The following PHC3 variants were observed in gnomAD, a reference collection of about 807,000 sequenced individuals.
PHC3 encodes the protein polyhomeotic homolog 3, also known as polyhomeotic-like protein 3.
PHC3 carries 13 observed loss-of-function variants against 107.4 expected under a neutral mutation model. That is an observed-to-expected ratio of 0.12 (90% confidence interval 0.08 to 0.19). The LOEUF (loss-of-function observed/expected upper bound fraction) is 0.19. Among genes scored for constraint, PHC3 ranks in the 10% least tolerant of loss-of-function variants. PHC3 has a pLI of 1.00. For synonymous variants in PHC3, 456 were observed against 427.4 expected (o/e 1.07, Z -0.83); for missense variants, 992 against 1,210.9 (o/e 0.82, Z 2.68).
intron 6 of PHC3, among the ~76,000 whole-genome samples, chr3:170,139,926 A>T (rs951558614): frequency 1.3e-5 from 2 of 152,108 alleles, no homozygotes; most frequent in Non-Finnish European, 2.9e-5. Flanking sequence ...TCCTTTGATC[A>T]AGTTATGAAA....
At chr3:170,113,007 C>T (rs940267261) in intron 11 of PHC3, among the ~76,000 whole-genome samples, 2 of 152,152 alleles carry the variant, frequency 1.3e-5, no homozygotes, top group Non-Finnish European at 2.9e-5. Context: ...TAAGCTAACT[C>T]ACTAAAATAC....
intron 10 of PHC3, 43 bp from the exon 11 acceptor site, chr3:170,113,562 A>G: frequency 1.3e-6 from 2 of 1,545,726 alleles, no homozygotes; most frequent in South Asian, 1.2e-5. Context: ...ATCTCCAAAA[A>G]GACATTCAGA....
At chr3:170,102,090 A>C (rs1410077388) in intron 14 of PHC3, 12 of 941,842 alleles carry the variant, frequency 1.3e-5, no homozygotes, top group Non-Finnish European at 1.5e-5. Flanking sequence ...TCATTTTTTA[A>C]AAGGTTAAAT....
At chr3:170,155,882 G>A (rs1410876016) in intron 4 of PHC3, among the ~76,000 whole-genome samples, 1 of 152,150 alleles carries the variant, frequency 6.6e-6, no homozygotes, top group African/African-American at 2.4e-5. Context: ...TATATATAAT[G>A]CCTTCTAGGA....
In PHC3 at chr3:170,162,721, C is replaced by G. The variant is rs551071826; in HGVS notation, c.414+8652G>C. ...AGATCATGTCACTTCCATACCAGAA[C>G]AGCTCTCCAACAGCTTCCCAACTCA... On this transcript the variant is annotated intron_variant, in intron 4 of 14. Coordinates refer to ENST00000495893, the MANE Select transcript of PHC3 (RefSeq NM_024947.4). Among the ~76,000 whole-genome samples, 446 of 152,272 alleles carry G rather than the reference C, an allele frequency of 2.9e-3. 1 individual carries two copies. The highest frequency in any genetic ancestry group is 9.4e-3 in the African/African-American group (389 of 41,560).
chr3:170,098,526 C>T (rs775339627), intron 14 of PHC3, among the ~76,000 whole-genome samples: 1 of 152,090 alleles, frequency 6.6e-6, no homozygotes, highest in Non-Finnish European at 1.5e-5. Context: ...ATTATGATGT[C>T]TTACAACCCC....
intron 11 of PHC3, among the ~76,000 whole-genome samples, chr3:170,112,425 A>C (rs1482874828): frequency 6.7e-6 from 1 of 150,168 alleles, no homozygotes; most frequent in Non-Finnish European, 1.5e-5. Flanking sequence ...GGGTTTCACC[A>C]TGTTGGCCAG....
intron 6 of PHC3, among the ~76,000 whole-genome samples, chr3:170,141,676 ATCTT>A (rs1724125189): frequency 1.3e-5 from 2 of 152,088 alleles, no homozygotes; most frequent in African/African-American, 4.8e-5. Flanking sequence ...CAGTGGCTCG[ATCTT>A]GGCTCACTGC....
chr3:170,138,689 CAAAAAAAAAA>C (rs11284597), intron 6 of PHC3, among the ~76,000 whole-genome samples: 2 of 81,332 alleles, frequency 2.5e-5, no homozygotes, highest in African/African-American at 4.6e-5. Flanking sequence ...GACTCTGTCT[CAAAAAAAAAA>C]AAAAAAAAAA....
chr3:170,128,566 G>T, intron 8 of PHC3, 118 bp downstream of exon 8: 2 of 1,323,438 alleles, frequency 1.5e-6, no homozygotes, highest in Non-Finnish European at 2.0e-6. Context: ...CTGACACATG[G>T]AAATTTCAAG....
In PHC3 at chr3:170,089,169, CAAACA is replaced by C. The variant is rs2108214013; in HGVS notation, c.*8056_*8060del. ...GTGACAGTGAGACTCTGTCTCAAAA[CAAACA>C]AAACAAAAAAGCTAAAACAATGATA... On this transcript the variant is annotated 3_prime_UTR_variant, in exon 15 of 15. Transcript: ENST00000495893. 6.6e-6 allele frequency: 1 copy of C among 152,076 alleles called. No homozygotes were observed. Among genetic ancestry groups the C allele is most frequent in the African/African-American group, 2.4e-5 (1 of 41,498 alleles). The allele number at this position is 152,076 out of a possible 1,614,324, so 9.4% of individuals were successfully genotyped here. A position where few individuals can be genotyped will look rare whatever the true frequency, so the allele number is the denominator to read the frequency against.
At chr3:170,099,676 T>C (rs1237907558) in intron 14 of PHC3, among the ~76,000 whole-genome samples, 1 of 152,150 alleles carries the variant, frequency 6.6e-6, no homozygotes, top group African/African-American at 2.4e-5. Context: ...TTCAAGTGTC[T>C]GGCATCACTT....
chr3:170,122,075 A>G (rs1720457573), intron 9 of PHC3, among the ~76,000 whole-genome samples: 1 of 152,156 alleles, frequency 6.6e-6, no homozygotes, highest in South Asian at 2.1e-4. Flanking sequence ...CAACGGGATG[A>G]GACCCTATCT....
At chr3:170,171,327 T>A in intron 4 of PHC3, 46 bp downstream of exon 4, 1 of 1,351,640 alleles carries the variant, frequency 7.4e-7, no homozygotes, top group Non-Finnish European at 1.0e-6. Context: ...TGGAAAACAA[T>A]TCTTTAAAAT....
Position 170,128,922 on chromosome 3 carries a change from A to T in PHC3, c.1550T>A (p.Met517Lys). The T allele has an allele frequency of 6.2e-7, 1 of 1,614,026 alleles. No individual in the cohort carries two copies. ...SPIPIASPPQ[M>K]STSPPAQIPP... is the part of the protein sequence containing the mutation. ...AATCTGAGCTGGAGGAGATGTCGAC[A>T]TCTGTGGAGGACTTGCAATTGGGAT... The change falls in exon 8 of 15, where the codon ATG (methionine) becomes AAG (lysine). Residue 517 changes from methionine (M) to lysine (K), a missense_variant. Met to Lys is a moderately conservative substitution (Grantham distance 95, BLOSUM62 -1). Transcript: ENST00000495893.
At chr3:170,134,158 A>G in intron 7 of PHC3, among the ~76,000 whole-genome samples, 1 of 151,994 alleles carries the variant, frequency 6.6e-6, no homozygotes, top group South Asian at 2.1e-4. Flanking sequence ...AAAAAAAAAA[A>G]ATAAGAATTC....
chr3:170,106,371 GGAT>G (rs1375580751), intron 12 of PHC3, among the ~76,000 whole-genome samples: 5 of 152,036 alleles, frequency 3.3e-5, no homozygotes, highest in Non-Finnish European at 5.9e-5. Context: ...AAAATAAATA[GGAT>G]GATTCAAACA....
At position 170,122,616 on chromosome 3, in the gene PHC3, ATCT is replaced by A. The variant is rs760384331; in HGVS notation, c.1914_1916del (p.Glu638del). On this transcript the variant is annotated inframe_deletion, in exon 9 of 15. Coordinates refer to ENST00000495893, the MANE Select transcript of PHC3 (RefSeq NM_024947.4). ...CTAACAAAGGATGTTCAGAAGTCAA[ATCT>A]TCTCCTCTCCCCACTGTTATAGCTG... 9 of 1,613,894 alleles carry A rather than the reference ATCT, an allele frequency of 5.6e-6. No homozygotes were observed. The highest frequency in any genetic ancestry group is 7.6e-6 in the Non-Finnish European group (9 of 1,179,846).
chr3:170,153,505 TGTAATCC>T (rs1321476772), intron 4 of PHC3, among the ~76,000 whole-genome samples: 1 of 152,178 alleles, frequency 6.6e-6, no homozygotes, highest in Non-Finnish European at 1.5e-5. Flanking sequence ...GGCTCACGCC[TGTAATCC>T]CAGCACTTTG....
Sources: gnomAD v4.1 joint callset for allele counts (sites outside exome capture counted in the v4.1 genomes callset) on GRCh38, gnomAD v4.1.1 for gene constraint, MANE v1.5 for transcripts, NCBI Gene and HGNC (gene_info 2026-07-23, HGNC 2026-07-21) for gene names.